Variants in TMEM132C observed in about 807,000 individuals in gnomAD.
TMEM132C encodes protein phosphatase 1, regulatory subunit 152.
A neutral mutation model predicts 61.4 loss-of-function variants in TMEM132C; 29 were observed. The observed-to-expected ratio is 0.47, with a 90% CI of 0.35 to 0.64. The LOEUF (loss-of-function observed/expected upper bound fraction) is 0.64. Among genes scored for constraint, TMEM132C ranks in the 30% least tolerant of loss-of-function variants. TMEM132C has a pLI of 0.00. For missense variants in TMEM132C, 1,408 were observed against 1,476.9 expected (o/e 0.95, Z 0.76); for synonymous variants, 656 against 633.1 (o/e 1.04, Z -0.54).
chr12:128,342,228 C>T (rs1176503898), intron 1 of TMEM132C, among the ~76,000 whole-genome samples: 2 of 151,982 alleles, frequency 1.3e-5, no homozygotes, highest in East Asian at 1.9e-4. Context: ...AAGGTGGTCT[C>T]GAACTCCTGA....
At chr12:128,330,881 A>G (rs2135944752) in intron 1 of TMEM132C, among the ~76,000 whole-genome samples, 1 of 150,648 alleles carries the variant, frequency 6.6e-6, no homozygotes, top group Admixed American at 6.6e-5. Context: ...ATAAAAATGA[A>G]AAGACCTTTA....
At chr12:128,668,169 C>A (rs1158653853) in intron 4 of TMEM132C, among the ~76,000 whole-genome samples, 1 of 152,030 alleles carries the variant, frequency 6.6e-6, no homozygotes, top group Non-Finnish European at 1.5e-5. Context: ...GTTCCCAGCA[C>A]TTTGGTAGGC....
chr12:128,302,067 GA>G (rs1373423256), intron 1 of TMEM132C, among the ~76,000 whole-genome samples: 3 of 152,122 alleles, frequency 2.0e-5, no homozygotes, highest in African/African-American at 7.2e-5. Context: ...GGAATTATGG[GA>G]GCTACAATTC....
chr12:128,563,840 C>A (rs1469636782), intron 3 of TMEM132C, among the ~76,000 whole-genome samples: 2 of 152,154 alleles, frequency 1.3e-5, no homozygotes, highest in African/African-American at 4.8e-5. Flanking sequence ...AACAAAAATA[C>A]CACAGATTGG....
At chr12:128,476,349 C>T (rs952017934) in intron 2 of TMEM132C, among the ~76,000 whole-genome samples, 3 of 152,176 alleles carry the variant, frequency 2.0e-5, no homozygotes, top group Non-Finnish European at 2.9e-5. Context: ...GCTGGGGAGA[C>T]ATCGTCACAT....
At chr12:128,683,351 A>G (rs1954650549) in intron 5 of TMEM132C, among the ~76,000 whole-genome samples, 1 of 152,010 alleles carries the variant, frequency 6.6e-6, no homozygotes, top group Non-Finnish European at 1.5e-5. Flanking sequence ...AACCTGTGAC[A>G]CTGCTCTCTC....
At chr12:128,419,334 T>C (rs1396419662) in intron 2 of TMEM132C, among the ~76,000 whole-genome samples, 2 of 152,162 alleles carry the variant, frequency 1.3e-5, no homozygotes, top group East Asian at 3.9e-4. Context: ...AATTCCATCC[T>C]GCATAAAATG....
At chr12:128,310,182 G>A (rs986915937) in intron 1 of TMEM132C, among the ~76,000 whole-genome samples, 23 of 152,268 alleles carry the variant, frequency 1.5e-4, no homozygotes, top group African/African-American at 5.5e-4. Flanking sequence ...TCATGTATAA[G>A]TATTTACATT....
At chr12:128,678,083 G>T (rs1954607817) in intron 5 of TMEM132C, among the ~76,000 whole-genome samples, 3 of 152,184 alleles carry the variant, frequency 2.0e-5, no homozygotes. Context: ...AGTTTTTAGG[G>T]TATCTACAGG....
At chr12:128,668,843 C>A (rs931752639) in intron 4 of TMEM132C, among the ~76,000 whole-genome samples, 9 of 152,106 alleles carry the variant, frequency 5.9e-5, no homozygotes, top group African/African-American at 2.2e-4. Flanking sequence ...TGCAACATCT[C>A]CTCCTCCTCC....
intron 2 of TMEM132C, among the ~76,000 whole-genome samples, chr12:128,517,039 C>G (rs1872739673): frequency 6.8e-6 from 1 of 147,590 alleles, no homozygotes. Context: ...CTGGCCAACA[C>G]AGTGACACCT....
chr12:128,363,845 G>GAAAA (rs528314942), intron 1 of TMEM132C, among the ~76,000 whole-genome samples: 2 of 101,378 alleles, frequency 2.0e-5, no homozygotes, highest in Non-Finnish European at 1.9e-5. Flanking sequence ...ACTCTGTCTC[G>GAAAA]AAAAAAAAAA....
intron 2 of TMEM132C, among the ~76,000 whole-genome samples, chr12:128,430,494 A>T (rs923840845): frequency 2.0e-5 from 3 of 152,214 alleles, no homozygotes; most frequent in African/African-American, 7.2e-5. Context: ...ACTTAAGCTC[A>T]ATCAATCAGA....
intron 3 of TMEM132C, among the ~76,000 whole-genome samples, chr12:128,561,962 T>C (rs1462181335): frequency 6.6e-6 from 1 of 152,004 alleles, no homozygotes; most frequent in East Asian, 1.9e-4. Context: ...GGGAGGGCAG[T>C]GGGGCAGAGA....
In TMEM132C at chr12:128,560,194, C is replaced by A. The variant is rs374197378; in HGVS notation, c.1121+16091C>A. ...CCCAGGCGACAGAAGCTGCAGTAAG[C>A]CCTGATGGTGCCATTGCACTCCAGC... is the stretch of plus-strand genomic sequence containing the variant. On this transcript the variant is annotated intron_variant, in intron 3 of 8. Transcript: ENST00000435159. Among the ~76,000 whole-genome samples, 14 of 152,352 alleles carry A rather than the reference C, an allele frequency of 9.2e-5. No homozygotes were observed. The East Asian group carries it at 2.3e-3, about 25-fold the overall frequency.
intron 1 of TMEM132C, among the ~76,000 whole-genome samples, chr12:128,267,914 C>T (rs1272651897): frequency 3.9e-5 from 6 of 152,334 alleles, no homozygotes; most frequent in African/African-American, 1.2e-4. Flanking sequence ...TCCCTGTCCA[C>T]AGCTCCCCAT....
intron 3 of TMEM132C, among the ~76,000 whole-genome samples, chr12:128,583,960 A>C (rs1875445129): frequency 6.6e-6 from 1 of 152,162 alleles, no homozygotes. Context: ...GTAGGAGAAG[A>C]CCTAACCGAG....
chr12:128,591,509 T>C (rs1249485634), intron 3 of TMEM132C, among the ~76,000 whole-genome samples: 1 of 152,240 alleles, frequency 6.6e-6, no homozygotes, highest in Non-Finnish European at 1.5e-5. Flanking sequence ...GATGGACTTT[T>C]GGGTTTCTCC....
intron 6 of TMEM132C, among the ~76,000 whole-genome samples, chr12:128,694,592 T>C (rs1954744069): frequency 6.6e-6 from 1 of 152,158 alleles, no homozygotes; most frequent in Non-Finnish European, 1.5e-5. Context: ...TAAGTGAAGG[T>C]GTTCCTGAGT....
Sources: gnomAD v4.1 joint callset for allele counts (sites outside exome capture counted in the v4.1 genomes callset) on GRCh38, gnomAD v4.1.1 for gene constraint, MANE v1.5 for transcripts, NCBI Gene and HGNC (gene_info 2026-07-23, HGNC 2026-07-21) for gene names.